The following CFAP20DC variants were observed in gnomAD, a reference collection of about 807,000 sequenced individuals.
The protein encoded by CFAP20DC is protein CFAP20DC.
CFAP20DC carries 84 observed loss-of-function variants against 101.7 expected under a neutral mutation model. The observed-to-expected ratio is 0.83, with a 90% CI of 0.69 to 0.99. The LOEUF is 0.99. CFAP20DC is among the 50% of genes least tolerant of loss of function. CFAP20DC has a pLI of 0.00. For missense variants in CFAP20DC, 1,007 were observed against 970.3 expected, an observed-to-expected ratio of 1.04 and a Z score of -0.50; for synonymous variants, 359 against 351.2, an observed-to-expected ratio of 1.02 and a Z score of -0.25.
chr3:58,887,299 T>C (rs570761661), intron 6 of CFAP20DC: 1 of 152,338 alleles, frequency 6.6e-6, no homozygotes, highest in East Asian at 1.9e-4. Flanking sequence ...ATTTGACATA[T>C]ACTTCAAAAC....
Position 58,849,179 on chromosome 3 carries a change from A to G in CFAP20DC, c.1824T>C (p.Thr608=), listed in dbSNP as rs775637593. 2.0e-6 allele frequency: 3 copies of G among 1,536,046 alleles called. No homozygotes were observed. In the South Asian group the frequency reaches 3.6e-5, roughly 18 times the overall value. The change falls in exon 13 of 17, where the codon ACT becomes ACC. Residue 608 remains threonine (T), a synonymous_variant. Transcript: ENST00000482387. ...SLLPTTCLSP[T]GRRCGSCQKT... ...TCTGACAGGACCCACACCTTCTTCC[A>G]GTTGGAGAAAGGCATGTTGTAGGCA...
chr3:59,033,768 A>T (rs988157775), intron 4 of CFAP20DC, among the ~76,000 whole-genome samples: 19 of 152,302 alleles, frequency 1.2e-4, no homozygotes, highest in Middle Eastern at 3.4e-3. Context: ...CAAGTTGGAA[A>T]ACACTTTTCA....
chr3:58,973,794 C>T (rs1256548017), intron 4 of CFAP20DC, among the ~76,000 whole-genome samples: 1 of 152,126 alleles, frequency 6.6e-6, no homozygotes, highest in African/African-American at 2.4e-5. Flanking sequence ...GCAGCCTTTA[C>T]CATTCCTAGG....
intron 6 of CFAP20DC, among the ~76,000 whole-genome samples, chr3:58,906,018 A>G (rs980407742): frequency 6.6e-6 from 1 of 151,034 alleles, no homozygotes; most frequent in African/African-American, 2.5e-5. Flanking sequence ...TGGCTGTACT[A>G]CTGAAGAATA....
intron 14 of CFAP20DC, among the ~76,000 whole-genome samples, chr3:58,815,646 T>A (rs1287952112): frequency 1.5e-4 from 23 of 151,140 alleles, no homozygotes; most frequent in Non-Finnish European, 2.8e-4. Flanking sequence ...TACAATGAAC[T>A]CAAACAAATT....
rs776097594 is a variant in CFAP20DC, at chr3:58,884,686, T to A, written c.574A>T (p.Thr192Ser). ...KDAVYGVPFS[T>S]DEPTDIIPRS... Reference sequence around the variant, plus strand: ...GGTATAATATCTGTAGGCTCATCTGTTGAAAAGGGAACACCATAGACAGCT... The same window carrying A: ...GGTATAATATCTGTAGGCTCATCTGATGAAAAGGGAACACCATAGACAGCT... The change falls in exon 7 of 17, where the codon ACA becomes TCA. Residue 192 changes from threonine to serine, a missense_variant. Physicochemically the swap from Thr to Ser is moderately conservative, Grantham distance 58. Transcript: ENST00000482387. The A allele has an allele frequency of 5.3e-5, 85 of 1,613,444 alleles. No homozygotes were observed. Among genetic ancestry groups the A allele is most frequent in the Non-Finnish European group, 7.1e-5 (84 of 1,179,690 alleles).
intron 3 of CFAP20DC, among the ~76,000 whole-genome samples, chr3:58,736,451 A>G (rs1559528630): frequency 2.6e-5 from 4 of 152,220 alleles, no homozygotes. Context: ...TGATTTATTT[A>G]TAGATTACTA....
chr3:58,936,401 T>G (rs1251542638), intron 5 of CFAP20DC, among the ~76,000 whole-genome samples: 2 of 152,210 alleles, frequency 1.3e-5, no homozygotes, highest in Admixed American at 1.3e-4. Flanking sequence ...AAATACCATT[T>G]GACCCAGCCA....
At chr3:58,821,391 C>T (rs2075633129) in intron 14 of CFAP20DC, among the ~76,000 whole-genome samples, 4 of 152,220 alleles carry the variant, frequency 2.6e-5, no homozygotes, top group Non-Finnish European at 5.9e-5. Context: ...TTGCAACCTA[C>T]TCATCTGACA....
chr3:59,029,194 C>T (rs193289241), intron 4 of CFAP20DC, among the ~76,000 whole-genome samples: 173 of 152,232 alleles, frequency 1.1e-3, no homozygotes, highest in Non-Finnish European at 9.8e-4. Context: ...TATTTCAGAG[C>T]CTATTACGTG....
At chr3:58,976,703 A>G (rs923448817) in intron 4 of CFAP20DC, among the ~76,000 whole-genome samples, 2 of 152,194 alleles carry the variant, frequency 1.3e-5, no homozygotes, top group African/African-American at 4.8e-5. Flanking sequence ...TGTGGAGTCC[A>G]TACATTCTCC....
chr3:58,978,353 G>A (rs986821819), intron 4 of CFAP20DC, among the ~76,000 whole-genome samples: 45 of 152,008 alleles, frequency 3.0e-4, no homozygotes, highest in Admixed American at 2.8e-3. Context: ...AAATCTCTAC[G>A]AAAAGCAACC....
At chr3:58,834,229 G>A (rs2108081580) in intron 13 of CFAP20DC, among the ~76,000 whole-genome samples, 1 of 152,222 alleles carries the variant, frequency 6.6e-6, no homozygotes, top group South Asian at 2.1e-4. Context: ...AAAGGAGTTT[G>A]GTAATCAGAT....
intron 13 of CFAP20DC, among the ~76,000 whole-genome samples, chr3:58,838,880 T>C (rs1474806332): frequency 6.6e-6 from 1 of 152,228 alleles, no homozygotes; most frequent in Non-Finnish European, 1.5e-5. Flanking sequence ...GGTTTCATAC[T>C]ATATTCAAGG....
chr3:58,847,658 C>G (rs1385325125), intron 13 of CFAP20DC, among the ~76,000 whole-genome samples: 2 of 150,988 alleles, frequency 1.3e-5, no homozygotes, highest in African/African-American at 2.4e-5. Context: ...CCAGCCATCC[C>G]ATTACTGGGT....
intron 15 of CFAP20DC, among the ~76,000 whole-genome samples, chr3:58,791,561 GA>G (rs781686626): frequency 6.6e-6 from 1 of 152,044 alleles, no homozygotes; most frequent in African/African-American, 2.4e-5. Context: ...ATTCAAATAT[GA>G]AAATATATGA....
intron 14 of CFAP20DC, among the ~76,000 whole-genome samples, chr3:58,810,559 T>C (rs2074529720): frequency 6.6e-6 from 1 of 151,698 alleles, no homozygotes; most frequent in Non-Finnish European, 1.5e-5. Context: ...TATTTCAAAA[T>C]AATAAGAGCT....
chr3:58,948,542 A>C (rs950168551), intron 4 of CFAP20DC, among the ~76,000 whole-genome samples: 1 of 152,166 alleles, frequency 6.6e-6, no homozygotes, highest in Non-Finnish European at 1.5e-5. Flanking sequence ...ATGTAGTCCC[A>C]TATATTCCAG....
At chr3:59,035,619 A>G (rs1389208148) in intron 4 of CFAP20DC, among the ~76,000 whole-genome samples, 2 of 152,216 alleles carry the variant, frequency 1.3e-5, no homozygotes, top group Non-Finnish European at 2.9e-5. Flanking sequence ...ATTCCTGGAC[A>G]CATATAACCT....
Sources: allele counts gnomAD v4.1 joint callset (sites outside exome capture counted in the v4.1 genomes callset), GRCh38; gene constraint gnomAD v4.1.1; transcripts MANE v1.5; gene names NCBI Gene and HGNC (gene_info 2026-07-23, HGNC 2026-07-21).